The following MLLT10 variants were observed in gnomAD, a reference collection of about 807,000 sequenced individuals.
The protein encoded by MLLT10 is protein AF-10.
A neutral mutation model predicts 129.1 loss-of-function variants in MLLT10; 30 were observed. The ratio of observed to expected loss-of-function variants is 0.23; its 90% confidence interval spans 0.17 to 0.32. MLLT10 has a LOEUF of 0.32. Among genes scored for constraint, MLLT10 ranks in the 10% least tolerant of loss-of-function variants. The pLI, the probability that MLLT10 is intolerant of heterozygous loss-of-function variation, is 1.00. For synonymous variants in MLLT10, 490 were observed against 446.4 expected, an observed-to-expected ratio of 1.10 and a Z score of -1.23; for missense variants, 1,119 against 1,268.3, an observed-to-expected ratio of 0.88 and a Z score of 1.79.
intron 6 of MLLT10, 86 bp downstream of exon 6, chr10:21,612,537 C>T (rs61850051): frequency 0.02 from 13,778 of 697,254 alleles, 193 homozygotes; most frequent in Non-Finnish European, 0.024. Context: ...GATACTCAAA[C>T]ATTAATTATG....
intron 21 of MLLT10, among the ~76,000 whole-genome samples, chr10:21,739,410 G>A (rs2131595674): frequency 6.6e-6 from 1 of 152,264 alleles, no homozygotes; most frequent in East Asian, 1.9e-4. Flanking sequence ...ACTGCCCTGG[G>A]TAATCTGCTT....
chr10:21,681,281 T>G, intron 11 of MLLT10, 51 bp from the exon 12 acceptor site: 1 of 1,609,492 alleles, frequency 6.2e-7, no homozygotes, highest in Non-Finnish European at 8.5e-7. Flanking sequence ...TTTTTACCCT[T>G]GAGTCACTGG....
chr10:21,535,191 G>A, intron 2 of MLLT10, among the ~76,000 whole-genome samples: 1 of 151,992 alleles, frequency 6.6e-6, no homozygotes, highest in Non-Finnish European at 1.5e-5. Flanking sequence ...GGGTGGGTTT[G>A]GGAGAGTGGA....
intron 3 of MLLT10, among the ~76,000 whole-genome samples, chr10:21,567,003 G>A (rs1339607861): frequency 1.3e-5 from 2 of 151,976 alleles, no homozygotes; most frequent in Non-Finnish European, 2.9e-5. Context: ...AGTAGAGACG[G>A]AGTTTGTCCA....
intron 10 of MLLT10, among the ~76,000 whole-genome samples, chr10:21,672,273 C>G (rs943073558): frequency 9.9e-5 from 15 of 151,536 alleles, no homozygotes; most frequent in African/African-American, 3.6e-4. Flanking sequence ...TCACGGCTCA[C>G]TGCAAGGTTG....
rs368852986 is a variant in MLLT10 at position 21,578,306 on chromosome 10, A to AT, written c.241-7983dup. Among the ~76,000 whole-genome samples the AT allele has an allele frequency of 3.8e-3, 581 of 152,292 alleles. 5 individuals are homozygous for AT. Among genetic ancestry groups the AT allele is most frequent in the African/African-American group, 0.013 (547 of 41,556 alleles). On this transcript the variant is annotated intron_variant, in intron 3 of 22. Coordinates refer to ENST00000307729, the MANE Select transcript of MLLT10 (RefSeq NM_001195626.3). ...AGTGTCTATTTAGATCCTTTGTTCAATTTTTAACTGGGCTGTATAGCTTTT... is the reference window on the plus strand; with the variant it reads ...AGTGTCTATTTAGATCCTTTGTTCAATTTTTTAACTGGGCTGTATAGCTTTT...
At chr10:21,603,887 G>A (rs2043807408) in intron 5 of MLLT10, among the ~76,000 whole-genome samples, 2 of 144,904 alleles carry the variant, frequency 1.4e-5, no homozygotes, top group African/African-American at 2.6e-5. Context: ...TTCTTCCTTT[G>A]TCTCTGTCTC....
chr10:21,618,491 C>T (rs1033052734), intron 8 of MLLT10, among the ~76,000 whole-genome samples: 6 of 151,608 alleles, frequency 4.0e-5, no homozygotes, highest in East Asian at 1.9e-4. Flanking sequence ...GGCGACGGAG[C>T]GATACTCTTG....
intron 4 of MLLT10, among the ~76,000 whole-genome samples, chr10:21,589,943 C>G (rs1182430752): frequency 6.6e-6 from 1 of 151,312 alleles, no homozygotes; most frequent in Non-Finnish European, 1.5e-5. Context: ...CTCTCTCTCT[C>G]TTTCTTTTTT....
At chr10:21,585,016 C>G (rs2041867922) in intron 3 of MLLT10, among the ~76,000 whole-genome samples, 1 of 151,922 alleles carries the variant, frequency 6.6e-6, no homozygotes, top group South Asian at 2.1e-4. Context: ...CTTCTGGGCT[C>G]AATTGATCTG....
rs185296609 is a variant in MLLT10, at chr10:21,670,530, A to C, written c.877A>C (p.Asn293His). The change falls in exon 10 of 23, where the codon AAT (asparagine) becomes CAT (histidine). Residue 293 changes from asparagine to histidine, a missense_variant. This residue lies in a region of MLLT10 where 1,004 missense variants were observed against 1,008.7 expected (regional missense o/e 1.00). Coordinates refer to ENST00000307729, the MANE Select transcript of MLLT10 (RefSeq NM_001195626.3). ...TACTACTGCACGATTTACAAATGCAAATTTCCAGGAAGTCTCTGCACACAC... is the reference window on the plus strand; with the variant it reads ...TACTACTGCACGATTTACAAATGCACATTTCCAGGAAGTCTCTGCACACAC... The part of the protein sequence containing the change: ...EDTTARFTNA[N>H]FQEVSAHTSS... 1.9e-6 allele frequency: 3 copies of C among 1,614,124 alleles called. No individual in the cohort carries two copies. The African/African-American group carries it at 4.0e-5, about 22-fold the overall frequency.
intron 13 of MLLT10, among the ~76,000 whole-genome samples, chr10:21,693,740 T>A (rs1297151252): frequency 6.6e-6 from 1 of 152,236 alleles, no homozygotes; most frequent in Non-Finnish European, 1.5e-5. Context: ...CTGGAAGTTT[T>A]GTTAGGCATA....
At chr10:21,610,172 TA>T (rs2044460789) in intron 5 of MLLT10, among the ~76,000 whole-genome samples, 1 of 152,212 alleles carries the variant, frequency 6.6e-6, no homozygotes, top group Non-Finnish European at 1.5e-5. Context: ...TTCTCATAAT[TA>T]ATATGGAACT....
intron 21 of MLLT10, among the ~76,000 whole-genome samples, chr10:21,739,530 C>T (rs1228372351): frequency 6.6e-6 from 1 of 152,168 alleles, no homozygotes; most frequent in Non-Finnish European, 1.5e-5. Context: ...CATTTATTTC[C>T]CTTTCCCTGC....
intron 13 of MLLT10, among the ~76,000 whole-genome samples, chr10:21,704,592 T>A (rs1052976215): frequency 6.8e-6 from 1 of 148,118 alleles, no homozygotes; most frequent in Non-Finnish European, 1.5e-5. Context: ...GTGTGCCCTT[T>A]GGAGGTGTCT....
intron 8 of MLLT10, among the ~76,000 whole-genome samples, chr10:21,638,410 C>T (rs568696378): frequency 2.0e-5 from 3 of 152,156 alleles, no homozygotes; most frequent in Non-Finnish European, 2.9e-5. Context: ...GTTTAATTCC[C>T]CAAAGACCCC....
intron 13 of MLLT10, among the ~76,000 whole-genome samples, chr10:21,686,940 G>A (rs1036175552): frequency 2.0e-5 from 3 of 151,982 alleles, no homozygotes; most frequent in Non-Finnish European, 2.9e-5. Context: ...GTGAGATCGC[G>A]CCACTGCATT....
chr10:21,549,245 T>A (rs1283625274), intron 3 of MLLT10, among the ~76,000 whole-genome samples: 2 of 150,578 alleles, frequency 1.3e-5, no homozygotes, highest in Admixed American at 1.3e-4. Flanking sequence ...TGCCTCAGCC[T>A]CCCCAGTAGC....
chr10:21,618,400 G>A (rs1328221612), intron 8 of MLLT10, among the ~76,000 whole-genome samples: 1 of 151,896 alleles, frequency 6.6e-6, no homozygotes, highest in African/African-American at 2.4e-5. Flanking sequence ...CTACTCAGGA[G>A]GTTAAGGCAG....
Sources: gnomAD v4.1 joint callset for allele counts (sites outside exome capture counted in the v4.1 genomes callset) on GRCh38, gnomAD v4.1.1 for gene constraint, gnomAD v4.1.1 regional missense constraint, MANE v1.5 for transcripts, NCBI Gene and HGNC (gene_info 2026-07-23, HGNC 2026-07-21) for gene names.